The following TNNI3K variants were observed in gnomAD, a reference collection of about 807,000 sequenced individuals.
TNNI3K encodes the protein serine/threonine-protein kinase TNNI3K.
Under a neutral mutation model 114.5 loss-of-function variants are expected in TNNI3K, and 140 were observed. The observed-to-expected ratio is 1.22, with a 90% CI of 1.07 to 1.41. The LOEUF is 1.41. Ranked by LOEUF, TNNI3K falls within the 40% of genes most tolerant of loss-of-function variation. The pLI, the probability that TNNI3K is intolerant of heterozygous loss-of-function variation, is 0.00. For synonymous variants in TNNI3K, 347 were observed against 347.5 expected, an observed-to-expected ratio of 1.00 and a Z score of 0.02; for missense variants, 1,125 against 1,007.6, an observed-to-expected ratio of 1.12 and a Z score of -1.58.
At chr1:74,399,702 G>A (rs1664266950) in intron 17 of TNNI3K, among the ~76,000 whole-genome samples, 1 of 152,144 alleles carries the variant, frequency 6.6e-6, no homozygotes, top group African/African-American at 2.4e-5. Flanking sequence ...TAACCCTAAG[G>A]AAAACCCAGA....
chr1:74,454,917 A>G (rs566362441), intron 20 of TNNI3K, among the ~76,000 whole-genome samples: 11 of 152,116 alleles, frequency 7.2e-5, no homozygotes, highest in Non-Finnish European at 1.6e-4. Context: ...AATAAGACCT[A>G]CTTCAAAAGG....
chr1:74,501,783 G>A (rs968149257), intron 23 of TNNI3K, among the ~76,000 whole-genome samples: 3 of 152,042 alleles, frequency 2.0e-5, no homozygotes, highest in East Asian at 1.9e-4. Context: ...CACCGCATCC[G>A]GCCAACTTGG....
At chr1:74,317,491 T>C (rs1327810616) in intron 5 of TNNI3K, among the ~76,000 whole-genome samples, 2 of 151,916 alleles carry the variant, frequency 1.3e-5, no homozygotes, top group Non-Finnish European at 2.9e-5. Flanking sequence ...GAAATCTAGG[T>C]GTAAGGAAAT....
In TNNI3K at chr1:74,501,677, C is replaced by T. The variant is rs1428274625; in HGVS notation, c.2351+9411C>T. Among the ~76,000 whole-genome samples, 5 of 151,912 alleles carry T rather than the reference C, an allele frequency of 3.3e-5. No homozygotes were observed. The East Asian group carries it at 7.7e-4, about 23-fold the overall frequency. ...AATTTTTGTACTTTTTTAGTAGAGA[C>T]GGGGTTTCACCATGTTGGTCAGGCT... On this transcript the variant is annotated intron_variant, in intron 23 of 24. Coordinates refer to ENST00000326637, the MANE Select transcript of TNNI3K (RefSeq NM_015978.3).
chr1:74,502,746 G>A lies in TNNI3K; in HGVS notation c.2351+10480G>A, dbSNP rs140656671. ...TAGTAGCCACTTTGCCTCAGCTTAT[G>A]CCTCCTGAAGAAACACTATAAATCA... On this transcript the variant is annotated intron_variant, in intron 23 of 24. Transcript: ENST00000326637. 4.3e-4 allele frequency among the ~76,000 whole-genome samples: 65 copies of A among 152,242 alleles called. 1 individual carries two copies. Among genetic ancestry groups the A allele is most frequent in the African/African-American group, 1.5e-3 (62 of 41,524 alleles).
chr1:74,424,833 G>T (rs900930578), intron 17 of TNNI3K, among the ~76,000 whole-genome samples: 7 of 151,944 alleles, frequency 4.6e-5, no homozygotes, highest in African/African-American at 1.4e-4. Context: ...TGTTTCTTGA[G>T]CTGCTATAAT....
At chr1:74,285,796 TTA>T (rs1258033126) in intron 5 of TNNI3K, among the ~76,000 whole-genome samples, 23 of 152,160 alleles carry the variant, frequency 1.5e-4, no homozygotes, top group Non-Finnish European at 3.1e-4. Flanking sequence ...GCAGAAGAGA[TTA>T]TAATGATACG....
At chr1:74,453,499 A>G (rs1165088928) in intron 20 of TNNI3K, among the ~76,000 whole-genome samples, 1 of 152,188 alleles carries the variant, frequency 6.6e-6, no homozygotes, top group African/African-American at 2.4e-5. Context: ...AGCATTATCA[A>G]TTATGGTAGT....
At chr1:74,442,603 A>G (rs551636015) in intron 20 of TNNI3K, among the ~76,000 whole-genome samples, 3 of 152,238 alleles carry the variant, frequency 2.0e-5, no homozygotes, top group Admixed American at 1.3e-4. Flanking sequence ...GTTTATCTCT[A>G]TCTTCACTTA....
At chr1:74,399,179 A>C (rs1464829504) in intron 17 of TNNI3K, among the ~76,000 whole-genome samples, 2 of 141,374 alleles carry the variant, frequency 1.4e-5, no homozygotes, top group African/African-American at 2.8e-5. Context: ...AAAAAAAAAA[A>C]CACCCAAAAG....
chr1:74,354,392 A>C (rs1054680098), intron 11 of TNNI3K, among the ~76,000 whole-genome samples: 1 of 152,142 alleles, frequency 6.6e-6, no homozygotes, highest in Non-Finnish European at 1.5e-5. Flanking sequence ...AGTACCAGAG[A>C]AACAAAATTG....
At chr1:74,412,375 A>G (rs906377419) in intron 17 of TNNI3K, among the ~76,000 whole-genome samples, 3 of 152,090 alleles carry the variant, frequency 2.0e-5, no homozygotes, top group African/African-American at 7.2e-5. Context: ...GCAAAGAAAC[A>G]CCAGCAAACA....
chr1:74,240,789 T>C (rs948444379), intron 2 of TNNI3K: 16 of 152,218 alleles, frequency 1.1e-4, no homozygotes, highest in African/African-American at 2.6e-4. Context: ...TTTTCTTTTT[T>C]TTTTTATTAT....
At chr1:74,480,747 T>C in intron 21 of TNNI3K, 1 of 717,490 alleles carries the variant, frequency 1.4e-6, no homozygotes, top group South Asian at 1.5e-5. Context: ...TGAAGCTTGC[T>C]GAAGGTGTGA....
chr1:74,253,161 G>T (rs1389388835), intron 4 of TNNI3K, among the ~76,000 whole-genome samples: 2 of 152,146 alleles, frequency 1.3e-5, no homozygotes, highest in African/African-American at 4.8e-5. Flanking sequence ...TGCTGATGGT[G>T]TGTTTACAAA....
At chr1:74,401,998 A>G (rs761580517) in intron 17 of TNNI3K, 9 of 292,958 alleles carry the variant, frequency 3.1e-5, no homozygotes, top group South Asian at 2.2e-4. Flanking sequence ...TTATATATAT[A>G]TATTTTGAAT....
At chr1:74,476,074 T>G (rs1013095435) in intron 21 of TNNI3K, among the ~76,000 whole-genome samples, 1 of 152,162 alleles carries the variant, frequency 6.6e-6, no homozygotes, top group Non-Finnish European at 1.5e-5. Context: ...AAAGGCTGTT[T>G]CATGAACTGA....
chr1:74,313,688 T>C (rs1490504076), intron 5 of TNNI3K, among the ~76,000 whole-genome samples: 1 of 152,136 alleles, frequency 6.6e-6, no homozygotes, highest in Non-Finnish European at 1.5e-5. Context: ...CTTTCAGACA[T>C]AGTGCTGAGC....
At chr1:74,430,071 A>G (rs1665819585) in intron 17 of TNNI3K, among the ~76,000 whole-genome samples, 1 of 152,152 alleles carries the variant, frequency 6.6e-6, no homozygotes, top group African/African-American at 2.4e-5. Context: ...AAGTGACTTT[A>G]AAGAACTCCT....
Sources: allele counts gnomAD v4.1 joint callset (sites outside exome capture counted in the v4.1 genomes callset), GRCh38; gene constraint gnomAD v4.1.1; transcripts MANE v1.5; gene names NCBI Gene and HGNC (gene_info 2026-07-23, HGNC 2026-07-21).